Variants in SEC14L1 observed in about 807,000 individuals in gnomAD.
SEC14L1 encodes SEC14-like protein 1.
A neutral mutation model predicts 85.3 loss-of-function variants in SEC14L1; 48 were observed. The ratio of observed to expected loss-of-function variants is 0.56; its 90% confidence interval spans 0.45 to 0.72. The LOEUF is 0.72. SEC14L1 is among the 30% of genes least tolerant of loss of function. The probability of loss-of-function intolerance (pLI) is 0.00; values close to 1 mark genes in which losing one functional copy is unlikely to be tolerated. For missense variants in SEC14L1, 682 were observed against 921.4 expected (o/e 0.74, Z 3.36); for synonymous variants, 391 against 355.5 (o/e 1.10, Z -1.12).
At chr17:77,183,661 A>T (rs888201088) in intron 3 of SEC14L1, among the ~76,000 whole-genome samples, 1 of 152,212 alleles carries the variant, frequency 6.6e-6, no homozygotes. Context: ...AAAAAGTGTT[A>T]TTCAATATGA....
At chr17:77,167,021 T>C (rs1180854092) in intron 3 of SEC14L1, among the ~76,000 whole-genome samples, 3 of 152,208 alleles carry the variant, frequency 2.0e-5, no homozygotes, top group African/African-American at 7.2e-5. Flanking sequence ...ACCCTTGTCT[T>C]GTGTTCATGT....
intron 3 of SEC14L1, among the ~76,000 whole-genome samples, chr17:77,161,954 A>C (rs1598324702): frequency 7.1e-6 from 1 of 141,712 alleles, no homozygotes; most frequent in African/African-American, 2.6e-5. Context: ...TTTTAAACAA[A>C]CCCTTGTGTT....
At chr17:77,106,393 G>A (rs567028991) in intron 3 of SEC14L1, among the ~76,000 whole-genome samples, 2 of 152,140 alleles carry the variant, frequency 1.3e-5, no homozygotes, top group South Asian at 2.1e-4. Flanking sequence ...TTAGCTGGAC[G>A]TGGTGGCACG....
chr17:77,099,613 C>T (rs546384398), intron 3 of SEC14L1, among the ~76,000 whole-genome samples: 13 of 152,230 alleles, frequency 8.5e-5, no homozygotes, highest in African/African-American at 2.2e-4. Context: ...AAATATTACC[C>T]GGGTGTGGTG....
intron 8 of SEC14L1, 73 bp downstream of exon 8, chr17:77,196,384 T>G: frequency 1.1e-6 from 1 of 874,838 alleles, no homozygotes; most frequent in Non-Finnish European, 1.8e-6. Flanking sequence ...TCTGTCATAG[T>G]CACCAAGAGT....
At chr17:77,170,689 T>C (rs1410442325) in intron 3 of SEC14L1, among the ~76,000 whole-genome samples, 1 of 152,226 alleles carries the variant, frequency 6.6e-6, no homozygotes, top group Non-Finnish European at 1.5e-5. Flanking sequence ...GAAGGCATTT[T>C]GTCCGAGGTA....
At chr17:77,098,003 A>G (rs905245735) in intron 3 of SEC14L1, among the ~76,000 whole-genome samples, 3 of 152,068 alleles carry the variant, frequency 2.0e-5, no homozygotes, top group African/African-American at 7.2e-5. Context: ...CCAGCAGGGG[A>G]GGCAGCCAGT....
At chr17:77,092,376 G>C (rs1477948951) in intron 2 of SEC14L1, among the ~76,000 whole-genome samples, 8 of 152,122 alleles carry the variant, frequency 5.3e-5, no homozygotes, top group Non-Finnish European at 1.2e-4. Context: ...GACATTTTCT[G>C]TTGAACCCTT....
upstream of SEC14L1, among the ~76,000 whole-genome samples, chr17:77,138,565 AGCCAAGATCGTGCCACTGC>A (rs1386128917): frequency 6.6e-6 from 1 of 152,224 alleles, no homozygotes; most frequent in Non-Finnish European, 1.5e-5. Context: ...GGTTGCAGTG[AGCCAAGATCGTGCCACTGC>A]ACTCCAGCCT....
chr17:77,213,918 A>T lies in SEC14L1; in HGVS notation c.2043A>T (p.Arg681Ser), dbSNP rs1236669396. The change falls in exon 17 of 17, where the codon AGA (arginine) becomes AGT (serine). Residue 681 changes from arginine to serine, a missense_variant and splice_region_variant. Coordinates refer to ENST00000436233, the MANE Select transcript of SEC14L1 (RefSeq NM_001143998.2). The surrounding 1 kb of genome is among the most constrained non-coding windows in gnomAD (Gnocchi z 7.1). ...YTEVIGSEDF[R>S]GSMTSLESSH... is the part of the protein sequence containing the mutation. ...CTCGCCCCTCCCTGTGCCATTACAG[A>T]GGTTCCATGACGAGCCTGGAGTCCA... The T allele has an allele frequency of 3.1e-6, 5 of 1,612,790 alleles. No homozygotes were observed. In the African/African-American group the frequency reaches 6.7e-5, roughly 22 times the overall value.
chr17:77,158,226 T>TA (rs1255742648), intron 3 of SEC14L1, among the ~76,000 whole-genome samples: 7 of 152,232 alleles, frequency 4.6e-5, no homozygotes, highest in Admixed American at 3.3e-4. Context: ...TGGCACTAAC[T>TA]AAATTCACAT....
chr17:77,207,694 C>T (rs904045801), intron 13 of SEC14L1, among the ~76,000 whole-genome samples: 3 of 152,148 alleles, frequency 2.0e-5, no homozygotes, highest in Middle Eastern at 3.2e-3. Context: ...TCAAGTAATC[C>T]GCCCACCTCG....
intron 2 of SEC14L1, among the ~76,000 whole-genome samples, chr17:77,091,218 G>A (rs915699556): frequency 6.6e-6 from 1 of 152,142 alleles, no homozygotes; most frequent in Admixed American, 6.6e-5. Context: ...CTCCCAAATA[G>A]CTGAGATTAC....
At chr17:77,100,956 G>A (rs1290275389) in intron 3 of SEC14L1, among the ~76,000 whole-genome samples, 2 of 152,154 alleles carry the variant, frequency 1.3e-5, no homozygotes, top group African/African-American at 4.8e-5. Flanking sequence ...TTTAGGTAGG[G>A]ATATTTTATA....
rs1297285899 is a variant in SEC14L1 at position 77,194,895 on chromosome 17, G to A, written c.693G>A (p.Val231=). The A allele has an allele frequency of 3.1e-6, 5 of 1,613,892 alleles. No homozygotes were observed. The highest frequency in any genetic ancestry group is 1.7e-5 in the Admixed American group (1 of 60,004). ...ALSSPSAPEP[V]VGTPDDKLDA... is the part of the protein sequence containing the mutation. ...GCAGCCCCAGCGCACCTGAGCCCGTGGTGGGCACCCCTGACGGTGGGTCTG... is the reference window on the plus strand; with the variant it reads ...GCAGCCCCAGCGCACCTGAGCCCGTAGTGGGCACCCCTGACGGTGGGTCTG... Residue 231 remains valine (V), a synonymous_variant, in exon 7 of 17, where the codon GTG becomes GTA. Coordinates refer to ENST00000436233, the MANE Select transcript of SEC14L1 (RefSeq NM_001143998.2).
chr17:77,190,983 A>G (rs922680032), intron 4 of SEC14L1, 31 bp downstream of exon 4: 8 of 1,608,236 alleles, frequency 5.0e-6, no homozygotes, highest in Admixed American at 1.7e-5. Flanking sequence ...CTTGGAGGGA[A>G]AGGGCGTCCT....
At chr17:77,152,410 G>A (rs1186461775) in intron 3 of SEC14L1, among the ~76,000 whole-genome samples, 2 of 151,826 alleles carry the variant, frequency 1.3e-5, no homozygotes, top group Non-Finnish European at 2.9e-5. Context: ...GTGGCAGGCA[G>A]CTGTAATCCC....
chr17:77,117,660 C>G (rs1232504316), intron 3 of SEC14L1, among the ~76,000 whole-genome samples: 1 of 152,150 alleles, frequency 6.6e-6, no homozygotes, highest in Non-Finnish European at 1.5e-5. Context: ...CTGGCCAGCT[C>G]CTGCAGGAAG....
intron 3 of SEC14L1, among the ~76,000 whole-genome samples, chr17:77,168,132 C>A (rs140097577): frequency 6.6e-6 from 1 of 152,016 alleles, no homozygotes; most frequent in Non-Finnish European, 1.5e-5. Context: ...CATTACGGTA[C>A]GGGGCATGTC....
Sources: gnomAD v4.1 joint callset for allele counts (sites outside exome capture counted in the v4.1 genomes callset) on GRCh38, gnomAD v4.1.1 for gene constraint, Gnocchi (gnomAD v3.1) non-coding constraint, MANE v1.5 for transcripts, NCBI Gene and HGNC (gene_info 2026-07-23, HGNC 2026-07-21) for gene names.